Variants in LOC128092253 observed in about 807,000 individuals in gnomAD.
At chr6:133,973,735 G>C in the LOC128092253 span, among the ~76,000 whole-genome samples, 8 of 152,238 alleles carry the variant, frequency 5.3e-5, no homozygotes, top group East Asian at 1.5e-3. Flanking sequence ...TATTTTAATA[G>C]AAAGCTAGAA....
At chr6:133,979,553 T>C in the LOC128092253 span, among the ~76,000 whole-genome samples, 7 of 152,304 alleles carry the variant, frequency 4.6e-5, no homozygotes, top group East Asian at 1.3e-3. Flanking sequence ...CTTTTTAGTT[T>C]AAGGAATGAA....
At chr6:133,977,634 T>G in the LOC128092253 span, among the ~76,000 whole-genome samples, 1 of 152,226 alleles carries the variant, frequency 6.6e-6, no homozygotes, top group Non-Finnish European at 1.5e-5. Flanking sequence ...TTGTGGTAGC[T>G]TATCCTCAAG....
At chr6:133,962,902 A>G in the LOC128092253 span, among the ~76,000 whole-genome samples, 489 of 152,328 alleles carry the variant, frequency 3.2e-3, 1 homozygote, top group African/African-American at 0.01. Flanking sequence ...GATTTAAGGA[A>G]CAGACAGAGA....
the LOC128092253 span, among the ~76,000 whole-genome samples, chr6:133,963,043 T>C: frequency 3.2e-3 from 486 of 152,342 alleles, 1 homozygote; most frequent in African/African-American, 0.01. Context: ...GTTTAAAGTG[T>C]GCCATTGAAT....
At chr6:133,975,192 T>C in the LOC128092253 span, among the ~76,000 whole-genome samples, 1 of 151,838 alleles carries the variant, frequency 6.6e-6, no homozygotes, top group Non-Finnish European at 1.5e-5. Context: ...ACGAGAGCAA[T>C]AAAAAGCAGG....
the LOC128092253 span, among the ~76,000 whole-genome samples, chr6:133,955,062 T>C: frequency 6.6e-6 from 1 of 151,998 alleles, no homozygotes; most frequent in Non-Finnish European, 1.5e-5. Context: ...AAAGATAGAT[T>C]AATGAATCAA....
At chr6:133,975,718 A>G in the LOC128092253 span, among the ~76,000 whole-genome samples, 1 of 152,244 alleles carries the variant, frequency 6.6e-6, no homozygotes, top group Non-Finnish European at 1.5e-5. Flanking sequence ...AACACTGTGT[A>G]TAACAAGTTT....
At chr6:133,978,524 T>TGATGG in the LOC128092253 span, among the ~76,000 whole-genome samples, 1 of 152,232 alleles carries the variant, frequency 6.6e-6, no homozygotes, top group Admixed American at 6.5e-5. Flanking sequence ...CTTATATATC[T>TGATGG]ATCCATCAGT....
At chr6:133,973,944 T>C in the LOC128092253 span, among the ~76,000 whole-genome samples, 1 of 150,378 alleles carries the variant, frequency 6.6e-6, no homozygotes, top group Admixed American at 6.6e-5. Context: ...ATTTTTCTTA[T>C]ATTAAACCTA....
chr6:133,957,349 T>A, the LOC128092253 span, among the ~76,000 whole-genome samples: 1 of 152,296 alleles, frequency 6.6e-6, no homozygotes, highest in African/African-American at 2.4e-5. Flanking sequence ...AGGACAGAGT[T>A]TTCTTAGGAC....
At chr6:133,964,225 C>G in the LOC128092253 span, among the ~76,000 whole-genome samples, 1 of 152,146 alleles carries the variant, frequency 6.6e-6, no homozygotes, top group African/African-American at 2.4e-5. Flanking sequence ...CTTCTGATCT[C>G]TAGCCAAGTT....
chr6:133,964,016 G>A, the LOC128092253 span, among the ~76,000 whole-genome samples: 9 of 152,116 alleles, frequency 5.9e-5, no homozygotes, highest in Non-Finnish European at 1.0e-4. Flanking sequence ...ACTCCAGCCT[G>A]GGCGACAGAG....
chr6:133,973,967 A>G, the LOC128092253 span, among the ~76,000 whole-genome samples: 1 of 149,062 alleles, frequency 6.7e-6, no homozygotes. Flanking sequence ...ATATATATAT[A>G]TATTTGTTTT....
the LOC128092253 span, among the ~76,000 whole-genome samples, chr6:133,972,612 T>C: frequency 8.5e-5 from 13 of 152,318 alleles, no homozygotes; most frequent in East Asian, 2.1e-3. Flanking sequence ...AATAAAACTT[T>C]TGCAAAACAG....
At chr6:133,972,327 A>G in the LOC128092253 span, among the ~76,000 whole-genome samples, 1 of 152,262 alleles carries the variant, frequency 6.6e-6, no homozygotes. Context: ...TCTCTCAAAT[A>G]TCTTTTATAC....
At chr6:133,964,697 C>T in the LOC128092253 span, among the ~76,000 whole-genome samples, 1 of 152,102 alleles carries the variant, frequency 6.6e-6, no homozygotes. Context: ...ATCCACCCGC[C>T]TCAGCTTCCC....
chr6:133,960,768 TTC>T, the LOC128092253 span, among the ~76,000 whole-genome samples: 1 of 152,172 alleles, frequency 6.6e-6, no homozygotes, highest in Admixed American at 6.5e-5. Flanking sequence ...AGGGTGGCCA[TTC>T]TCTGATGACC....
chr6:133,977,760 A>C, the LOC128092253 span, among the ~76,000 whole-genome samples: 1 of 150,198 alleles, frequency 6.7e-6, no homozygotes, highest in African/African-American at 2.5e-5. Context: ...AGGGATAATA[A>C]GGAGATTCAC....
the LOC128092253 span, among the ~76,000 whole-genome samples, chr6:133,970,466 G>T: frequency 2.0e-5 from 3 of 152,098 alleles, no homozygotes; most frequent in African/African-American, 7.2e-5. Flanking sequence ...ACCCCATGTT[G>T]TCTTAATATA....
Sources: gnomAD v4.1 joint callset for allele counts (sites outside exome capture counted in the v4.1 genomes callset) on GRCh38, gnomAD v4.1.1 for gene constraint, MANE v1.5 for transcripts.